The following RPS3 variants were observed in gnomAD, a reference collection of about 807,000 sequenced individuals.
RPS3 encodes the protein ribosomal protein S3.
Under a neutral mutation model 25.8 loss-of-function variants are expected in RPS3, and 2 were observed. The ratio of observed to expected loss-of-function variants is 0.08; its 90% CI spans 0.03 to 0.24. The LOEUF is 0.24. RPS3 is among the 10% of genes least tolerant of loss of function. RPS3 has a pLI of 1.00. For synonymous variants in RPS3, 114 were observed against 114.2 expected, an observed-to-expected ratio of 1.00 and a Z score of 0.01; for missense variants, 107 against 307.1, an observed-to-expected ratio of 0.35 and a Z score of 4.87.
At chr11:75,419,825 G>C (rs892014936) in intron 6 of RPS3, among the ~76,000 whole-genome samples, 2 of 152,080 alleles carry the variant, frequency 1.3e-5, no homozygotes, top group African/African-American at 4.8e-5. Context: ...GTAGAGATGA[G>C]GTTTTGCCTT....
intron 6 of RPS3, among the ~76,000 whole-genome samples, chr11:75,414,721 T>G (rs1016636302): frequency 6.6e-6 from 1 of 152,224 alleles, no homozygotes; most frequent in African/African-American, 2.4e-5. Flanking sequence ...GGGAGCTGCT[T>G]AACTGATCAG....
intron 6 of RPS3, among the ~76,000 whole-genome samples, chr11:75,416,388 A>G (rs1031987475): frequency 6.6e-6 from 1 of 151,976 alleles, no homozygotes; most frequent in Non-Finnish European, 1.5e-5. Flanking sequence ...CAGATAATCA[A>G]TATTCCCATT....
At chr11:75,419,147 C>T (rs1948424229) in intron 6 of RPS3, among the ~76,000 whole-genome samples, 2 of 152,148 alleles carry the variant, frequency 1.3e-5, no homozygotes, top group African/African-American at 2.4e-5. Context: ...AAATAGTCAT[C>T]CTGATTCACT....
At chr11:75,409,436 C>T (rs1379544689), downstream of RPS3, among the ~76,000 whole-genome samples, 10 of 132,340 alleles carry the variant, frequency 7.6e-5, no homozygotes, top group East Asian at 1.5e-3. Flanking sequence ...GCACATCTTG[C>T]ACCGCCCTTA....
At chr11:75,412,820 A>T (rs1948368977) in intron 6 of RPS3, among the ~76,000 whole-genome samples, 1 of 152,252 alleles carries the variant, frequency 6.6e-6, no homozygotes, top group Non-Finnish European at 1.5e-5. Context: ...TCTATCGCCC[A>T]GGCTGGAGTG....
downstream of RPS3, among the ~76,000 whole-genome samples, chr11:75,408,553 T>C (rs977338243): frequency 6.6e-6 from 1 of 152,124 alleles, no homozygotes; most frequent in Non-Finnish European, 1.5e-5. Context: ...GTGGCTCATG[T>C]CTGTAATCTT....
At chr11:75,401,573 T>C in intron 2 of RPS3, 67 bp from the exon 3 acceptor site, 1 of 1,097,742 alleles carries the variant, frequency 9.1e-7, no homozygotes, top group Non-Finnish European at 1.4e-6. Context: ...CTACCACACA[T>C]ATATGCAAGA....
chr11:75,420,206 C>T (rs1229652836), intron 6 of RPS3, among the ~76,000 whole-genome samples: 1 of 152,150 alleles, frequency 6.6e-6, no homozygotes, highest in Non-Finnish European at 1.5e-5. Context: ...GGATTAGGAG[C>T]CAGGGAGATC....
chr11:75,415,963 G>A (rs1948393874), intron 6 of RPS3, among the ~76,000 whole-genome samples: 1 of 141,262 alleles, frequency 7.1e-6, no homozygotes, highest in Non-Finnish European at 1.5e-5. Flanking sequence ...GTGAGAGAGC[G>A]AGATACTCTG....
downstream of RPS3, among the ~76,000 whole-genome samples, chr11:75,407,088 C>A (rs1948297005): frequency 6.6e-6 from 1 of 152,188 alleles, no homozygotes; most frequent in South Asian, 2.1e-4. Context: ...TGCAGATGTG[C>A]TGCCCCTCCC....
At position 75,402,252 on chromosome 11, in the gene RPS3, T is replaced by G. The variant is rs543258854; in HGVS notation, c.256-100T>G. ...CATGCGGCCCGTGGGTTGGGCAAGC[T>G]TGGTGTAGAAAGTGATACTTGTGTG... On this transcript the variant is annotated intron_variant, in intron 3 of 6. Transcript: ENST00000531188. 7 of 1,571,946 alleles carry G rather than the reference T, an allele frequency of 4.5e-6. No homozygotes were observed. In the South Asian group the frequency reaches 7.9e-5, roughly 18 times the overall value.
chr11:75,414,795 G>C lies in RPS3; in HGVS notation c.*4-6932G>C, dbSNP rs147844074. On this transcript the variant is annotated intron_variant, in intron 6 of 6. Coordinates refer to the RPS3 transcript ENST00000527446. ...GTGAGCTCTTGGGGATAGACCCAGA[G>C]GGTGAGCCAGTCAGGGATGAAAACA... 6.0e-3 allele frequency among the ~76,000 whole-genome samples: 914 copies of C among 152,288 alleles called. 8 individuals carry two copies. Among genetic ancestry groups the C allele is most frequent in the African/African-American group, 0.021 (872 of 41,550 alleles).
downstream of RPS3, among the ~76,000 whole-genome samples, chr11:75,410,283 C>T (rs1334173410): frequency 2.7e-5 from 4 of 150,292 alleles, no homozygotes; most frequent in Non-Finnish European, 5.9e-5. Context: ...GGGGCGGTTG[C>T]CAGGCAGAGG....
At chr11:75,408,153 T>A (rs1948306906), downstream of RPS3, among the ~76,000 whole-genome samples, 1 of 152,162 alleles carries the variant, frequency 6.6e-6, no homozygotes, top group Non-Finnish European at 1.5e-5. Flanking sequence ...ATGAAGATTA[T>A]TAGTGTATAG....
chr11:75,400,292 C>G (rs952614190), intron 1 of RPS3: 1 of 480,274 alleles, frequency 2.1e-6, no homozygotes, highest in South Asian at 1.5e-5. Flanking sequence ...ACTATCTATT[C>G]CTTAACAGTG....
intron 4 of RPS3, chr11:75,403,195 AG>A (rs1237042239): frequency 6.6e-6 from 1 of 152,228 alleles, no homozygotes. Flanking sequence ...ACCTGGTTTG[AG>A]TGCCAGCTAG....
downstream of RPS3, among the ~76,000 whole-genome samples, chr11:75,410,397 C>G (rs970421994): frequency 1.3e-5 from 2 of 151,618 alleles, no homozygotes; most frequent in African/African-American, 4.9e-5. Flanking sequence ...GATGGGCGGC[C>G]GGGCAGAGAC....
In RPS3 at chr11:75,401,743, T is replaced by A; in HGVS notation, c.255+10T>A. 1 of 1,488,568 alleles carries A rather than the reference T, an allele frequency of 6.7e-7. No homozygotes were observed. The highest frequency in any genetic ancestry group is 1.1e-5 in the South Asian group (1 of 88,434). 92.2% of individuals were successfully genotyped at this position (1,488,568 alleles called of 1,614,324 possible). On this transcript the variant is annotated intron_variant, in intron 3 of 6. Coordinates refer to ENST00000531188, the MANE Select transcript of RPS3 (RefSeq NM_001005.5). ...AGAGGGCAGTGTAGAGGTGAGTGAT[T>A]CTGGCATATGCCAGAGGTAATGGCT...
chr11:75,405,552 G>T, intron 6 of RPS3, 62 bp from the exon 7 acceptor site: 1 of 452,442 alleles, frequency 2.2e-6, no homozygotes. Context: ...TATCCATTTG[G>T]TAAATCAGGA....
Sources: allele counts gnomAD v4.1 joint callset (sites outside exome capture counted in the v4.1 genomes callset), GRCh38; gene constraint gnomAD v4.1.1; transcripts MANE v1.5; gene names NCBI Gene and HGNC (gene_info 2026-07-23, HGNC 2026-07-21).